The following SAMD8 variants were observed in gnomAD, a reference collection of about 807,000 sequenced individuals.
SAMD8 encodes the protein sphingomyelin synthase-related protein 1.
SAMD8 carries 20 observed loss-of-function variants against 42.0 expected under a neutral mutation model. The ratio of observed to expected loss-of-function variants is 0.48; its 90% CI spans 0.34 to 0.69. The LOEUF is 0.69. Among genes scored for constraint, SAMD8 ranks in the 30% least tolerant of loss-of-function variants. The probability of loss-of-function intolerance (pLI) is 0.01; values close to 1 mark genes in which losing one functional copy is unlikely to be tolerated. For synonymous variants in SAMD8, 162 were observed against 173.0 expected (o/e 0.94, Z 0.50); for missense variants, 328 against 511.6 (o/e 0.64, Z 3.46).
At chr10:75,103,905 G>A (rs1848331461) in intron 1 of SAMD8, 1 of 1,310,998 alleles carries the variant, frequency 7.6e-7, no homozygotes, top group Non-Finnish European at 1.0e-6. Flanking sequence ...TGTGGAGACT[G>A]AAGACAGTGG....
At chr10:75,159,047 A>ATTTT (rs981452768) in intron 2 of SAMD8, among the ~76,000 whole-genome samples, 12 of 136,118 alleles carry the variant, frequency 8.8e-5, no homozygotes, top group African/African-American at 3.3e-4. Context: ...GTGTAGACAA[A>ATTTT]TTTTTTTTTC....
At chr10:75,116,574 T>A (rs191650550) in intron 1 of SAMD8, among the ~76,000 whole-genome samples, 26 of 152,210 alleles carry the variant, frequency 1.7e-4, no homozygotes, top group African/African-American at 6.3e-4. Flanking sequence ...ATAGGTTAAC[T>A]GGTGTCACTG....
chr10:75,120,709 T>G (rs1848985050), intron 1 of SAMD8, among the ~76,000 whole-genome samples: 1 of 152,078 alleles, frequency 6.6e-6, no homozygotes, highest in Non-Finnish European at 1.5e-5. Context: ...GAACCTCTAT[T>G]TTATATTATT....
upstream of SAMD8, among the ~76,000 whole-genome samples, chr10:75,110,021 T>C (rs541759307): frequency 8.7e-4 from 132 of 152,284 alleles, 1 homozygote; most frequent in African/African-American, 3.0e-3. Context: ...TTTTGCCATG[T>C]TGGTCTGACT....
At chr10:75,109,351 A>C, upstream of SAMD8, 1 of 507,000 alleles carries the variant, frequency 2.0e-6, no homozygotes, top group Non-Finnish European at 3.3e-6. Flanking sequence ...AGAACACAGA[A>C]TCAGAGAGAC....
chr10:75,144,859 A>G (rs890532621), intron 1 of SAMD8, among the ~76,000 whole-genome samples: 3 of 151,990 alleles, frequency 2.0e-5, no homozygotes, highest in East Asian at 1.9e-4. Flanking sequence ...AGGTCTCACT[A>G]TGTTGCCCAG....
chr10:75,144,475 C>T (rs771576648), intron 1 of SAMD8, among the ~76,000 whole-genome samples: 5 of 149,182 alleles, frequency 3.4e-5, no homozygotes, highest in Non-Finnish European at 5.9e-5. Context: ...CTAGTTACCT[C>T]GTATAAGTGG....
chr10:75,104,096 C>T, intron 1 of SAMD8: 1 of 1,346,382 alleles, frequency 7.4e-7, no homozygotes. Context: ...TAAGGACCAG[C>T]TCTGGAAGAG....
chr10:75,118,038 A>C (rs1258310342), intron 1 of SAMD8, among the ~76,000 whole-genome samples: 1 of 152,228 alleles, frequency 6.6e-6, no homozygotes, highest in Non-Finnish European at 1.5e-5. Flanking sequence ...TGGAACCAGA[A>C]AAAGATGTTA....
intron 4 of SAMD8, among the ~76,000 whole-genome samples, chr10:75,171,130 A>G (rs1840851452): frequency 8.0e-6 from 1 of 125,556 alleles, no homozygotes; most frequent in Non-Finnish European, 1.7e-5. Flanking sequence ...TCTTTAACCT[A>G]GTTTTCCTTT....
chr10:75,103,734 C>G (rs369974010), intron 1 of SAMD8, among the ~76,000 whole-genome samples: 3 of 152,350 alleles, frequency 2.0e-5, no homozygotes, highest in East Asian at 3.9e-4. Flanking sequence ...CTGGGGCTCT[C>G]TGAGCCCTGA....
chr10:75,158,240 A>T (rs534583416), intron 2 of SAMD8, among the ~76,000 whole-genome samples: 1 of 152,278 alleles, frequency 6.6e-6, no homozygotes, highest in Non-Finnish European at 1.5e-5. Flanking sequence ...AAATAAAAAA[A>T]CAAAGCATAG....
At chr10:75,153,877 G>A in intron 2 of SAMD8, among the ~76,000 whole-genome samples, 1 of 151,502 alleles carries the variant, frequency 6.6e-6, no homozygotes, top group East Asian at 2.0e-4. Flanking sequence ...CTATTCTCCT[G>A]CCTCAGCCTC....
At position 75,168,682 on chromosome 10, in the gene SAMD8, T is replaced by G. The variant is rs772625253; in HGVS notation, c.792+24T>G. ...AGGTAGCCTGCTACCTTCTTTATCA[T>G]TCTTGTTTTTGGTGGGTTGATGGCA... On this transcript the variant is annotated intron_variant, in intron 4 of 5. Coordinates refer to ENST00000542569, the MANE Select transcript of SAMD8 (RefSeq NM_001174156.2). 4 of 1,490,142 alleles carry G rather than the reference T, an allele frequency of 2.7e-6. No individual in the cohort carries two copies. The East Asian group carries it at 9.0e-5, about 34-fold the overall frequency. 92.3% of individuals were successfully genotyped at this position (1,490,142 alleles called of 1,614,324 possible). A position where few individuals can be genotyped will look rare whatever the true frequency, so the allele number is the denominator to read the frequency against.
chr10:75,137,683 A>G (rs987218855), intron 1 of SAMD8, among the ~76,000 whole-genome samples: 2 of 152,206 alleles, frequency 1.3e-5, no homozygotes, highest in African/African-American at 4.8e-5. Context: ...TCATAACAAC[A>G]GAATATAGAT....
chr10:75,150,860 G>C lies in SAMD8; in HGVS notation c.332G>C (p.Cys111Ser). The C allele has an allele frequency of 6.2e-7, 1 of 1,613,756 alleles. No homozygotes were observed. Among genetic ancestry groups the C allele is most frequent in the Non-Finnish European group, 8.5e-7 (1 of 1,179,838 alleles). ...ISALQSTDWL[C>S]NGELSHDCDG... ...GCTCTTCAGAGTACAGACTGGCTCT[G>C]TAATGGGGAGCTTTCCCATGACTGT... Residue 111 changes from cysteine (C) to serine (S), a missense_variant, in exon 2 of 6, where the codon TGT becomes TCT. This residue lies in a region of SAMD8 where 150 missense variants were observed against 186.0 expected (regional missense o/e 0.81). Coordinates refer to ENST00000542569, the MANE Select transcript of SAMD8 (RefSeq NM_001174156.2).
chr10:75,132,937 C>T (rs2395139), intron 1 of SAMD8, among the ~76,000 whole-genome samples: 37,734 of 151,978 alleles, frequency 0.25, 5,153 homozygotes, highest in East Asian at 0.56. Flanking sequence ...TACAGTGAAC[C>T]GTGATCACAC....
rs1392611118 is a variant in SAMD8, at chr10:75,177,646, C to T, written c.*954C>T. 6.6e-6 allele frequency: 1 copy of T among 152,206 alleles called. No individual in the cohort carries two copies. The highest frequency in any genetic ancestry group is 2.4e-5 in the African/African-American group (1 of 41,448). The allele number at this position is 152,206 out of a possible 1,614,324, so 9.4% of individuals were successfully genotyped here. A position where few individuals can be genotyped will look rare whatever the true frequency, so the allele number is the denominator to read the frequency against. ...TTTTCTCCTGAAAAGAAACTTACAG[C>T]ACGCAAAATATAACTTTTTGGTTTT... is the stretch of plus-strand genomic sequence containing the variant. On this transcript the variant is annotated 3_prime_UTR_variant, in exon 6 of 6. Coordinates refer to ENST00000542569, the MANE Select transcript of SAMD8 (RefSeq NM_001174156.2).
At chr10:75,175,269 A>G (rs1051528691) in intron 4 of SAMD8, among the ~76,000 whole-genome samples, 2 of 152,192 alleles carry the variant, frequency 1.3e-5, no homozygotes, top group Non-Finnish European at 2.9e-5. Flanking sequence ...TGGGAAAGGC[A>G]ATATTTTGGC....
Sources: gnomAD v4.1 joint callset for allele counts (sites outside exome capture counted in the v4.1 genomes callset) on GRCh38, gnomAD v4.1.1 for gene constraint, gnomAD v4.1.1 regional missense constraint, MANE v1.5 for transcripts, NCBI Gene and HGNC (gene_info 2026-07-23, HGNC 2026-07-21) for gene names.